TNRC18: variants seen among roughly 807,000 people sequenced by gnomAD.
TNRC18 encodes the protein trinucleotide repeat containing 18.
TNRC18 carries 69 observed loss-of-function variants against 226.7 expected under a neutral mutation model. The ratio of observed to expected loss-of-function variants is 0.30; its 90% CI spans 0.25 to 0.37. The LOEUF is 0.37. Ranked by LOEUF, TNRC18 falls within the 10% of genes least tolerant of loss-of-function variation. The pLI is 1.00. For missense variants in TNRC18, 4,754 were observed against 4,256.6 expected (o/e 1.12, Z -3.25); for synonymous variants, 2,449 against 1,927.6 (o/e 1.27, Z -7.09).
intron 11 of TNRC18, among the ~76,000 whole-genome samples, chr7:5,369,022 A>G (rs945691180): frequency 8.5e-5 from 13 of 152,122 alleles, no homozygotes; most frequent in African/African-American, 2.9e-4. Context: ...AGCGCAGCCC[A>G]TGTCCCAGAA....
intron 2 of TNRC18, among the ~76,000 whole-genome samples, chr7:5,415,369 C>CTTTTTTTT (rs368389351): frequency 1.2e-5 from 1 of 83,094 alleles, no homozygotes; most frequent in Non-Finnish European, 2.2e-5. Flanking sequence ...CTGTGTCCCT[C>CTTTTTTTT]TTTTTTTTTT....
At position 5,345,865 on chromosome 7, in the gene TNRC18, C is replaced by T. The variant is rs1791135775; in HGVS notation, c.5471-55G>A. On this transcript the variant is annotated intron_variant, in intron 17 of 29. Transcript: ENST00000430969. ...GAGCCTTGGCCTTGGCGAGGGCCAC[C>T]CCCCACCGCCCCCTGGCCCAGAGTG... 6.7e-6 allele frequency: 10 copies of T among 1,494,670 alleles called. No individual in the cohort carries two copies. The East Asian group carries it at 1.7e-4, about 26-fold the overall frequency. 92.6% of individuals were successfully genotyped at this position (1,494,670 alleles called of 1,614,324 possible). A position where few individuals can be genotyped will look rare whatever the true frequency, so the allele number is the denominator to read the frequency against.
chr7:5,405,170 A>C (rs1584093254), intron 2 of TNRC18, among the ~76,000 whole-genome samples: 1 of 151,616 alleles, frequency 6.6e-6, no homozygotes, highest in South Asian at 2.1e-4. Context: ...GCTCACACCC[A>C]TAATCCCAGA....
chr7:5,318,454 C>T (rs544757176), intron 24 of TNRC18, among the ~76,000 whole-genome samples: 42 of 151,946 alleles, frequency 2.8e-4, no homozygotes, highest in African/African-American at 9.9e-4. Context: ...ACACACACAC[C>T]AGGGGCCATG....
In TNRC18 at chr7:5,313,774, T is replaced by C. The variant is rs1169612792; in HGVS notation, c.7117A>G (p.Lys2373Glu). 1.9e-6 allele frequency: 3 copies of C among 1,546,744 alleles called. No homozygotes were observed. In the African/African-American group the frequency reaches 4.1e-5, roughly 21 times the overall value. ...TCCACAGGCTCTGGGGGGCTCTTCT[T>C]GGAACCTGGGGTGCTGCTCGGCTCC... ...ALEPSSTPGSKKSPPEPVDKR... is the reference protein window; with the variant it reads ...ALEPSSTPGSEKSPPEPVDKR... Residue 2373 changes from lysine (K) to glutamate (E), a missense_variant, in exon 27 of 30, where the codon AAG (lysine) becomes GAG (glutamate). Physicochemically the swap from Lys to Glu is moderately conservative, Grantham distance 56. Transcript: ENST00000430969.
chr7:5,345,517 G>GGGGGGGGGGCCCCCCACC, intron 18 of TNRC18, 45 bp downstream of exon 18: 1 of 377,744 alleles, frequency 2.6e-6, no homozygotes, highest in Non-Finnish European at 4.8e-6. Context: ...AATGGCGTCC[G>GGGGGGGGGGCCCCCCACC]CCCCTCCCAC....
At chr7:5,310,950 G>GTGTGCACGTGTT (rs1787124447) in intron 27 of TNRC18, among the ~76,000 whole-genome samples, 1 of 148,994 alleles carries the variant, frequency 6.7e-6, no homozygotes, top group African/African-American at 2.6e-5. Context: ...GCACGTGTTT[G>GTGTGCACGTGTT]TGTGTGTGCA....
At position 5,416,218 on chromosome 7, in the gene TNRC18, T is replaced by A. The variant is rs181399994; in HGVS notation, c.187+4842A>T. Among the ~76,000 whole-genome samples the A allele has an allele frequency of 2.1e-3, 307 of 149,644 alleles. 1 individual carries two copies. The highest frequency in any genetic ancestry group is 2.3e-3 in the Non-Finnish European group (156 of 67,544). ...TCAAGAGGTCAGGAGATCGAGATCA[T>A]CCCGGCTAACACGGTGAAACCCCGT... On this transcript the variant is annotated intron_variant, in intron 2 of 29. Coordinates refer to ENST00000430969, the MANE Select transcript of TNRC18 (RefSeq NM_001080495.3).
chr7:5,389,471 T>TTTTC, intron 4 of TNRC18, 135 bp from the exon 5 acceptor site: 1 of 923,914 alleles, frequency 1.1e-6, no homozygotes, highest in Non-Finnish European at 1.4e-6. Context: ...GTTTTTTTTT[T>TTTTC]CAGAAAGAGT....
In TNRC18 at chr7:5,371,110, C is replaced by A. The variant is rs754912057; in HGVS notation, c.3484G>T (p.Val1162Leu). 2 of 1,612,604 alleles carry A rather than the reference C, an allele frequency of 1.2e-6. No homozygotes were observed. Among genetic ancestry groups the A allele is most frequent in the Non-Finnish European group, 1.7e-6 (2 of 1,179,584 alleles). ...PLAEREVKAE[V>L]EDMDEGPTEL... ...GTGGGGCCCTCGTCCATGTCCTCCA[C>A]CTCTGCCTTCACCTCCCGCTCAGCC... Residue 1162 changes from valine to leucine, a missense_variant, in exon 11 of 30, where the codon GTG becomes TTG. Transcript: ENST00000430969.
chr7:5,357,398 CT>C, intron 15 of TNRC18, 122 bp from the exon 16 acceptor site: 1 of 1,070,182 alleles, frequency 9.3e-7, no homozygotes, highest in Non-Finnish European at 1.3e-6. Context: ...TTTAACTCCT[CT>C]TAGCACGCAT....
intron 2 of TNRC18, among the ~76,000 whole-genome samples, chr7:5,417,454 A>G (rs1254291228): frequency 6.6e-6 from 1 of 152,214 alleles, no homozygotes; most frequent in African/African-American, 2.4e-5. Context: ...TGGGTGACAG[A>G]GTAAAACCCT....
chr7:5,341,413 C>A (rs1790672118), intron 18 of TNRC18, among the ~76,000 whole-genome samples: 1 of 104,496 alleles, frequency 9.6e-6, no homozygotes, highest in South Asian at 3.5e-4. Flanking sequence ...AGCAAGACTC[C>A]ATCTCAAAAA....
rs569176265 is a variant in TNRC18, at chr7:5,324,024, G to A, written c.6442+190C>T. On this transcript the variant is annotated intron_variant, in intron 21 of 29. Coordinates refer to ENST00000430969, the MANE Select transcript of TNRC18 (RefSeq NM_001080495.3). This position sits in a 1 kb window ranked among gnomAD's most constrained non-coding sequence, Gnocchi z 4.8. ...CCAGGGCCGCTCTCTTGCCTCATCT[G>A]CAGTTGACTAAGCTGCAGCCAGTCC... is the stretch of plus-strand genomic sequence containing the variant. Among the ~76,000 whole-genome samples, 3 of 152,206 alleles carry A rather than the reference G, an allele frequency of 2.0e-5. No individual in the cohort carries two copies. Among genetic ancestry groups the A allele is most frequent in the African/African-American group, 7.2e-5 (3 of 41,462 alleles).
At position 5,313,120 on chromosome 7, in the gene TNRC18, C is replaced by T. The variant is rs778655067; in HGVS notation, c.7771G>A (p.Gly2591Arg). 1.3e-5 allele frequency: 19 copies of T among 1,481,146 alleles called. No homozygotes were observed. Among genetic ancestry groups the T allele is most frequent in the Admixed American group, 5.9e-5 (3 of 50,896 alleles). The allele number at this position is 1,481,146 out of a possible 1,614,324, so 91.8% of individuals were successfully genotyped here. ...CCCCCGGTGCCGCAGCCCCCGTCCCCGTTCTTGTCGCCTTCCTCCTCCCCT... is the reference window on the plus strand; with the variant it reads ...CCCCCGGTGCCGCAGCCCCCGTCCCTGTTCTTGTCGCCTTCCTCCTCCCCT... ...TEGEEEGDKN[G>R]DGGCGTGGRN... The change falls in exon 27 of 30, where the codon GGG (glycine) becomes AGG (arginine). Residue 2591 changes from glycine to arginine, a missense_variant. Transcript: ENST00000430969.
intron 18 of TNRC18, among the ~76,000 whole-genome samples, chr7:5,340,012 A>C (rs1790532146): frequency 6.6e-6 from 1 of 152,176 alleles, no homozygotes; most frequent in Non-Finnish European, 1.5e-5. Flanking sequence ...GTCAATTAAT[A>C]ATCCTACAAT....
At chr7:5,372,369 G>A (rs1054564901) in intron 10 of TNRC18, among the ~76,000 whole-genome samples, 3 of 151,570 alleles carry the variant, frequency 2.0e-5, no homozygotes, top group Non-Finnish European at 4.4e-5. Context: ...GAGCCACTGT[G>A]CCCGGCCGTG....
chr7:5,313,260 G>A lies in TNRC18; in HGVS notation c.7631C>T (p.Pro2544Leu), dbSNP rs1461548043. Residue 2544 changes from proline to leucine, a missense_variant, in exon 27 of 30, where the codon CCA (proline) becomes CTA (leucine). Pro to Leu is a moderately conservative substitution (Grantham distance 98). Coordinates refer to ENST00000430969, the MANE Select transcript of TNRC18 (RefSeq NM_001080495.3). Reference protein sequence around the residue: ...TFEDSGNPKSPDKAQAEQDGA... With the variant: ...TFEDSGNPKSLDKAQAEQDGA... ...GTCCTGCTCAGCCTGGGCCTTGTCT[G>A]GGCTCTTGGGGTTCCCAGAGTCCTC... is the stretch of plus-strand genomic sequence containing the variant. 2.6e-5 allele frequency: 40 copies of A among 1,548,566 alleles called. No homozygotes were observed. Among genetic ancestry groups the A allele is most frequent in the Non-Finnish European group, 1.3e-5 (15 of 1,146,624 alleles).
intron 19 of TNRC18, among the ~76,000 whole-genome samples, chr7:5,328,076 G>A (rs1321628007): frequency 2.0e-5 from 3 of 151,648 alleles, no homozygotes; most frequent in African/African-American, 7.3e-5. Context: ...ACAAAAATTA[G>A]GCGTGAGGGC....
Sources: allele counts gnomAD v4.1 joint callset (sites outside exome capture counted in the v4.1 genomes callset), GRCh38; gene constraint gnomAD v4.1.1; non-coding constraint Gnocchi (gnomAD v3.1); transcripts MANE v1.5; gene names NCBI Gene and HGNC (gene_info 2026-07-23, HGNC 2026-07-21).